The following LGR6 variants were observed in gnomAD, a reference collection of about 807,000 sequenced individuals.
The protein encoded by LGR6 is leucine rich repeat containing G protein-coupled receptor 6.
In LGR6, 45 loss-of-function variants were observed where a neutral mutation model predicts 69.4. The ratio of observed to expected loss-of-function variants is 0.65; its 90% CI spans 0.51 to 0.83. LGR6 has a LOEUF of 0.83. Ranked by LOEUF, LGR6 falls within the 40% of genes least tolerant of loss-of-function variation. LGR6 has a pLI of 0.00. For synonymous variants in LGR6, 538 were observed against 555.0 expected (o/e 0.97, Z 0.43); for missense variants, 1,108 against 1,246.7 (o/e 0.89, Z 1.68).
intron 7 of LGR6, among the ~76,000 whole-genome samples, chr1:202,299,049 C>T (rs368040779): frequency 1.3e-4 from 20 of 151,752 alleles, no homozygotes; most frequent in Admixed American, 8.5e-4. Context: ...CACTTGAGGT[C>T]AGAAGTTCGA....
At chr1:202,266,923 C>T (rs972006049) in intron 4 of LGR6, among the ~76,000 whole-genome samples, 3 of 151,758 alleles carry the variant, frequency 2.0e-5, no homozygotes, top group African/African-American at 7.3e-5. Flanking sequence ...CACACACAAT[C>T]ACAATTGATT....
In LGR6 at chr1:202,235,979, G is replaced by A. The variant is rs563539874; in HGVS notation, c.414G>A (p.Pro138=). 1.9e-5 allele frequency: 31 copies of A among 1,613,856 alleles called. No homozygotes were observed. The South Asian group carries it at 2.2e-4, about 11-fold the overall frequency. ...GIPAEALWEL[P]SLQSLRLDAN... ...CCGCAGAGGCGCTGTGGGAGCTGCC[G>A]AGCCTGCAGTCGCTGTGAGTCATTA... The change falls in exon 4 of 18, where the codon CCG becomes CCA. Residue 138 remains proline (P), a synonymous_variant. Coordinates refer to ENST00000367278, the MANE Select transcript of LGR6 (RefSeq NM_001017403.2).
chr1:202,259,435 T>G (rs900133485), intron 4 of LGR6, among the ~76,000 whole-genome samples: 1 of 152,210 alleles, frequency 6.6e-6, no homozygotes, highest in Non-Finnish European at 1.5e-5. Flanking sequence ...ATTTCTAATT[T>G]CTTCTTTAGT....
intron 9 of LGR6, 55 bp downstream of exon 9, chr1:202,301,290 T>G: frequency 6.9e-7 from 1 of 1,439,494 alleles, no homozygotes; most frequent in Admixed American, 1.7e-5. Context: ...TCCTCACTCC[T>G]TCTTGCTCTC....
chr1:202,235,793 TG>T, intron 3 of LGR6, 128 bp from the exon 4 acceptor site: 1 of 732,192 alleles, frequency 1.4e-6, no homozygotes, highest in Non-Finnish European at 2.4e-6. Context: ...AGACTCTCTC[TG>T]GGGCTCTGAG....
chr1:202,222,290 G>A (rs1389585315), intron 1 of LGR6, among the ~76,000 whole-genome samples: 3 of 152,148 alleles, frequency 2.0e-5, no homozygotes, highest in Non-Finnish European at 2.9e-5. Context: ...CCCCTTTACT[G>A]AGCACTGCAG....
intron 6 of LGR6, among the ~76,000 whole-genome samples, chr1:202,294,423 C>G (rs788818): frequency 1 from 152,316 of 152,330 alleles, 76,151 homozygotes; most frequent in Non-Finnish European, 1. Context: ...TTATGGCTTT[C>G]CTGGCTCATC....
chr1:202,204,691 C>T (rs1293450653), intron 1 of LGR6, among the ~76,000 whole-genome samples: 1 of 21,294 alleles, frequency 4.7e-5, no homozygotes, highest in Non-Finnish European at 8.5e-5. Flanking sequence ...ACACACACAC[C>T]CCCAAACACA....
chr1:202,223,062 C>T (rs1413721227), intron 1 of LGR6, among the ~76,000 whole-genome samples: 1 of 151,920 alleles, frequency 6.6e-6, no homozygotes, highest in African/African-American at 2.4e-5. Context: ...GATCACACCA[C>T]TGTACTCCAG....
In LGR6 at chr1:202,310,246, G is replaced by T; in HGVS notation, c.1456G>T (p.Ala486Ser). 1.9e-6 allele frequency: 3 copies of T among 1,614,140 alleles called. No homozygotes were observed. Among genetic ancestry groups the T allele is most frequent in the South Asian group, 2.2e-5 (2 of 91,080 alleles). Residue 486 changes from alanine to serine, a missense_variant, in exon 16 of 18, where the codon GCC (alanine) becomes TCC (serine). By Grantham distance (99) the Ala-to-Ser change is moderately conservative (BLOSUM62 1). Transcript: ENST00000367278. Reference sequence around the variant, plus strand: ...CCAGTGCTGTCCCTATGGGATGTGTGCCAGCTTCTTCAAGGCCTCTGGGCA... The same window carrying T: ...CCAGTGCTGTCCCTATGGGATGTGTTCCAGCTTCTTCAAGGCCTCTGGGCA... ...AYQCCPYGMC[A>S]SFFKASGQWE...
chr1:202,283,715 T>C (rs1043799597), intron 6 of LGR6, among the ~76,000 whole-genome samples: 1 of 152,196 alleles, frequency 6.6e-6, no homozygotes, highest in Non-Finnish European at 1.5e-5. Flanking sequence ...CAGCCAATCA[T>C]GTGCACGTGC....
chr1:202,199,916 CTATTAA>C (rs1438886986), intron 1 of LGR6, among the ~76,000 whole-genome samples: 1 of 152,204 alleles, frequency 6.6e-6, no homozygotes, highest in Non-Finnish European at 1.5e-5. Flanking sequence ...AAAATGTTTA[CTATTAA>C]TATTGTTTTT....
At chr1:202,202,601 G>C (rs1454103946) in intron 1 of LGR6, among the ~76,000 whole-genome samples, 1 of 152,264 alleles carries the variant, frequency 6.6e-6, no homozygotes, top group East Asian at 1.9e-4. Context: ...CATACGGAAA[G>C]ATGTTTATAA....
chr1:202,206,615 T>C (rs1008426590), intron 1 of LGR6, among the ~76,000 whole-genome samples: 2 of 152,024 alleles, frequency 1.3e-5, no homozygotes, highest in South Asian at 2.1e-4. Flanking sequence ...AATGGTACGA[T>C]CTCCGCTCAC....
chr1:202,318,955 A>G lies in LGR6; in HGVS notation c.2652A>G (p.Glu884=), dbSNP rs1485825696. The G allele has an allele frequency of 3.7e-6, 6 of 1,613,654 alleles. No individual in the cohort carries two copies. The African/African-American group carries it at 8.0e-5, about 22-fold the overall frequency. ...TGGATCTCATTCTGGAAGCTTCTGA[A>G]GCTGGGCGGCCCCCTGGGCTGGAGA... The part of the protein sequence containing the change: ...SDVDLILEAS[E]AGRPPGLETY... The change falls in exon 18 of 18, where the codon GAA becomes GAG. Residue 884 remains glutamate, a synonymous_variant. Coordinates refer to ENST00000367278, the MANE Select transcript of LGR6 (RefSeq NM_001017403.2).
chr1:202,247,856 A>G (rs935792859), intron 4 of LGR6, among the ~76,000 whole-genome samples: 3 of 152,182 alleles, frequency 2.0e-5, no homozygotes, highest in African/African-American at 7.2e-5. Context: ...GGCTGCAGCC[A>G]GGAAGAGTGG....
intron 1 of LGR6, among the ~76,000 whole-genome samples, chr1:202,207,396 CT>C: frequency 6.6e-6 from 1 of 152,262 alleles, no homozygotes; most frequent in South Asian, 2.1e-4. Flanking sequence ...GTTGGAGGTG[CT>C]TCTTGGCCTG....
intron 1 of LGR6, among the ~76,000 whole-genome samples, chr1:202,222,511 T>C (rs1247960916): frequency 9.2e-5 from 14 of 152,010 alleles, no homozygotes; most frequent in Non-Finnish European, 1.5e-5. Context: ...ACGCCCTGAG[T>C]GCTCCTTGAA....
At chr1:202,279,428 C>T in intron 5 of LGR6, among the ~76,000 whole-genome samples, 1 of 152,166 alleles carries the variant, frequency 6.6e-6, no homozygotes, top group East Asian at 1.9e-4. Flanking sequence ...TGAACAACAT[C>T]TTGGAGGCCA....
Sources: gnomAD v4.1 joint callset for allele counts (sites outside exome capture counted in the v4.1 genomes callset) on GRCh38, gnomAD v4.1.1 for gene constraint, MANE v1.5 for transcripts, NCBI Gene and HGNC (gene_info 2026-07-23, HGNC 2026-07-21) for gene names.